CIP2A: variants seen among roughly 807,000 people sequenced by gnomAD.
CIP2A encodes protein CIP2A.
In CIP2A, 103 loss-of-function variants were observed where a neutral mutation model predicts 110.9. That is an observed-to-expected ratio of 0.93 (90% CI 0.79 to 1.09). The LOEUF (loss-of-function observed/expected upper bound fraction) is 1.09, where lower values mean the gene tolerates loss of function less well. CIP2A is among the 50% of genes least tolerant of loss of function. CIP2A has a pLI of 0.00. For synonymous variants in CIP2A, 381 were observed against 361.6 expected, an observed-to-expected ratio of 1.05 and a Z score of -0.61; for missense variants, 1,088 against 1,038.4, an observed-to-expected ratio of 1.05 and a Z score of -0.66.
At chr3:108,577,201 A>C (rs1486783617) in intron 7 of CIP2A, among the ~76,000 whole-genome samples, 2 of 152,096 alleles carry the variant, frequency 1.3e-5, no homozygotes, top group Non-Finnish European at 2.9e-5. Context: ...TAAGGTTGAG[A>C]GGTTGTTAGG....
intron 18 of CIP2A, 112 bp downstream of exon 18, chr3:108,554,264 A>C (rs1178788647): frequency 3.6e-6 from 2 of 550,832 alleles, no homozygotes; most frequent in African/African-American, 2.0e-5. Context: ...TATATCTAAA[A>C]TAAGTGACAA....
chr3:108,559,243 C>T (rs920260103), intron 16 of CIP2A, among the ~76,000 whole-genome samples: 1 of 152,052 alleles, frequency 6.6e-6, no homozygotes, highest in African/African-American at 2.4e-5. Flanking sequence ...GAGGTAAAAA[C>T]TGTGATTTCC....
At chr3:108,560,096 C>T (rs556082866) in intron 14 of CIP2A, 68 bp from the exon 15 acceptor site, 41 of 852,072 alleles carry the variant, frequency 4.8e-5, no homozygotes, top group East Asian at 4.0e-4. Flanking sequence ...AAAATAAATG[C>T]CTACTTCAAA....
At chr3:108,553,914 A>C (rs958797680) in intron 18 of CIP2A, among the ~76,000 whole-genome samples, 184 bp from the exon 19 acceptor site, 3 of 134,706 alleles carry the variant, frequency 2.2e-5, no homozygotes, top group Non-Finnish European at 3.3e-5. Flanking sequence ...AAAAAAAAAA[A>C]AAAAAGGTCT....
intron 8 of CIP2A, among the ~76,000 whole-genome samples, chr3:108,574,228 T>C (rs1006264433): frequency 2.6e-5 from 4 of 152,062 alleles, no homozygotes. Context: ...TCAAAGAACA[T>C]ACAAATGGCC....
intron 12 of CIP2A, among the ~76,000 whole-genome samples, chr3:108,564,876 GA>G (rs1219086348): frequency 6.6e-6 from 1 of 151,818 alleles, no homozygotes; most frequent in African/African-American, 2.4e-5. Flanking sequence ...ATAACAGCTA[GA>G]GATCATATTC....
rs377194132 is a variant in CIP2A at position 108,569,621 on chromosome 3, A to G, written c.895-14T>C. ...TAATTCTAAAACCTGTGCAATATAA[A>G]GTGTTCATTAAACATCAATTTCACA... On this transcript the variant is annotated splice_polypyrimidine_tract_variant and intron_variant, in intron 8 of 20. Transcript: ENST00000295746. 3.8e-6 allele frequency: 6 copies of G among 1,593,522 alleles called. No individual in the cohort carries two copies. The African/African-American group carries it at 6.7e-5, about 18-fold the overall frequency.
chr3:108,565,826 A>T (rs1018949827), intron 11 of CIP2A, among the ~76,000 whole-genome samples: 4 of 151,818 alleles, frequency 2.6e-5, no homozygotes, highest in Non-Finnish European at 5.9e-5. Flanking sequence ...GTAATGAATG[A>T]ATTACACTAG....
At chr3:108,571,549 A>C (rs1227660748) in intron 8 of CIP2A, among the ~76,000 whole-genome samples, 1 of 152,202 alleles carries the variant, frequency 6.6e-6, no homozygotes, top group African/African-American at 2.4e-5. Context: ...TGTGTATCTT[A>C]CCATATGTCC....
At chr3:108,576,591 T>C (rs532818120) in intron 7 of CIP2A, among the ~76,000 whole-genome samples, 1 of 152,326 alleles carries the variant, frequency 6.6e-6, no homozygotes, top group African/African-American at 2.4e-5. Context: ...AAATAAATCA[T>C]TAAATTTCTT....
intron 10 of CIP2A, among the ~76,000 whole-genome samples, 191 bp downstream of exon 10, chr3:108,567,964 G>GA (rs943281397): frequency 2.6e-5 from 4 of 151,206 alleles, no homozygotes; most frequent in Middle Eastern, 6.8e-3. Context: ...GAAAAATAAG[G>GA]AAAAAAAATC....
At chr3:108,587,584 A>C (rs1255975917) in intron 1 of CIP2A, among the ~76,000 whole-genome samples, 1 of 152,174 alleles carries the variant, frequency 6.6e-6, no homozygotes, top group African/African-American at 2.4e-5. Context: ...AAAAACTATC[A>C]AACTCTTCAC....
At chr3:108,557,870 C>G (rs1209822429) in intron 16 of CIP2A, among the ~76,000 whole-genome samples, 1 of 152,042 alleles carries the variant, frequency 6.6e-6, no homozygotes, top group African/African-American at 2.4e-5. Flanking sequence ...GTAACCTATA[C>G]CATAACCTGC....
At chr3:108,555,848 T>C (rs1223531867) in intron 17 of CIP2A, among the ~76,000 whole-genome samples, 5 of 152,204 alleles carry the variant, frequency 3.3e-5, no homozygotes, top group African/African-American at 4.8e-5. Context: ...ACTTCCACTT[T>C]CCTGAAATTT....
chr3:108,583,743 A>G (rs77886938), intron 2 of CIP2A, among the ~76,000 whole-genome samples: 5 of 152,340 alleles, frequency 3.3e-5, no homozygotes, highest in Admixed American at 6.5e-5. Context: ...AATGTATTGT[A>G]TATTTCAAAA....
chr3:108,573,057 T>A (rs919466238), intron 8 of CIP2A, among the ~76,000 whole-genome samples: 1 of 152,098 alleles, frequency 6.6e-6, no homozygotes, highest in Non-Finnish European at 1.5e-5. Context: ...AATGAGATAA[T>A]GTAATTTTTC....
In CIP2A at chr3:108,551,217, T is replaced by C; in HGVS notation, c.2650A>G (p.Met884Val). ...CTTAAACTGTGGATCATTGCTATCA[T>C]GTGGGAGTGTTTGTTCAATTCCTCT... ...QQEELNKHSH[M>V]IAMIHSLSGG... Residue 884 changes from methionine to valine, a missense_variant, in exon 21 of 21, where the codon ATG (methionine) becomes GTG (valine). Coordinates refer to ENST00000295746, the MANE Select transcript of CIP2A (RefSeq NM_020890.3). 1 of 1,612,100 alleles carries C rather than the reference T, an allele frequency of 6.2e-7. No individual in the cohort carries two copies. Among genetic ancestry groups the C allele is most frequent in the Non-Finnish European group, 8.5e-7 (1 of 1,178,698 alleles).
chr3:108,585,135 T>C lies in CIP2A; in HGVS notation c.180A>G (p.Val60=). The C allele has an allele frequency of 6.2e-7, 1 of 1,613,582 alleles. No individual in the cohort carries two copies. Among genetic ancestry groups the C allele is most frequent in the African/African-American group, 1.3e-5 (1 of 75,050 alleles). The part of the protein sequence containing the change: ...ILTSECLSCL[V]ELLEDPNISA... The stretch of plus-strand genomic sequence containing the variant: ...TTATGTTGGGGTCTTCAAGTAGCTC[T>C]ACAAGGCAACTCAAGCATTCACTTG... Residue 60 remains valine, a synonymous_variant, in exon 2 of 21, where the codon GTA becomes GTG. Coordinates refer to ENST00000295746, the MANE Select transcript of CIP2A (RefSeq NM_020890.3).
chr3:108,563,695 T>A (rs13094839), intron 12 of CIP2A, among the ~76,000 whole-genome samples: 35,076 of 152,000 alleles, frequency 0.23, 4,746 homozygotes, highest in Non-Finnish European at 0.31. Context: ...ATACAGTTAC[T>A]TCAATCATTT....
Sources: allele counts gnomAD v4.1 joint callset (sites outside exome capture counted in the v4.1 genomes callset), GRCh38; gene constraint gnomAD v4.1.1; transcripts MANE v1.5; gene names NCBI Gene and HGNC (gene_info 2026-07-23, HGNC 2026-07-21).